DENND4C: variants seen among roughly 807,000 people sequenced by gnomAD.
DENND4C encodes the protein DENN domain containing 4C, also known as DENN domain-containing protein 4C.
Under a neutral mutation model 203.0 loss-of-function variants are expected in DENND4C, and 108 were observed. That is an observed-to-expected ratio of 0.53 (90% CI 0.46 to 0.62). DENND4C has a LOEUF of 0.62. DENND4C is among the 20% of genes least tolerant of loss of function. DENND4C has a pLI of 0.00. For missense variants in DENND4C, 2,481 were observed against 2,301.2 expected (o/e 1.08, Z -1.60); for synonymous variants, 871 against 792.4 (o/e 1.10, Z -1.67).
chr9:19,283,309 C>T (rs1488057566), intron 2 of DENND4C, among the ~76,000 whole-genome samples: 1 of 152,134 alleles, frequency 6.6e-6, no homozygotes, highest in East Asian at 1.9e-4. Flanking sequence ...AGGGCAGTAA[C>T]CCACATAGAG....
At chr9:19,293,782 A>G (rs896901026) in intron 5 of DENND4C, among the ~76,000 whole-genome samples, 4 of 152,206 alleles carry the variant, frequency 2.6e-5, no homozygotes, top group Admixed American at 1.3e-4. Context: ...ACTTACACGG[A>G]CTGTGGCATT....
At chr9:19,336,501 TTAAATTCCGGTAG>T in intron 19 of DENND4C, 87 bp downstream of exon 19, 3 of 1,482,522 alleles carry the variant, frequency 2.0e-6, no homozygotes, top group Non-Finnish European at 2.7e-6. Context: ...AGTAGAAAAC[TTAAATTCCGGTAG>T]ACATTTTCAC....
At chr9:19,269,553 G>GT (rs1831203843) in intron 1 of DENND4C, among the ~76,000 whole-genome samples, 1 of 152,104 alleles carries the variant, frequency 6.6e-6, no homozygotes, top group Non-Finnish European at 1.5e-5. Context: ...ATTCATTCTT[G>GT]TTTATCAGTT....
chr9:19,303,872 A>C (rs1228095289), intron 9 of DENND4C, among the ~76,000 whole-genome samples: 1 of 151,674 alleles, frequency 6.6e-6, no homozygotes, highest in Non-Finnish European at 1.5e-5. Flanking sequence ...TGTAAAATTT[A>C]TTCATTTATT....
At position 19,230,705 on chromosome 9, in the gene DENND4C, G is replaced by C. The variant is rs1015394704; in HGVS notation, c.-146G>C. On this transcript the variant is annotated 5_prime_UTR_variant, in exon 1 of 33. Coordinates refer to ENST00000434457, the MANE Select transcript of DENND4C (RefSeq NM_001330640.2). Reference sequence around the variant, plus strand: ...GCGGCGCAGGCGCAGACCGGACTGAGGCGGCGGCGGCCGCTGGAGCTAGTC... The same window carrying C: ...GCGGCGCAGGCGCAGACCGGACTGACGCGGCGGCGGCCGCTGGAGCTAGTC... The C allele has an allele frequency of 1.3e-5, 2 of 152,176 alleles. No individual in the cohort carries two copies. Among genetic ancestry groups the C allele is most frequent in the African/African-American group, 4.8e-5 (2 of 41,430 alleles). The allele number at this position is 152,176 out of a possible 1,614,324, so 9.4% of individuals were successfully genotyped here.
chr9:19,370,110 G>T (rs10114375), intron 31 of DENND4C, 123 bp downstream of exon 31: 127,448 of 1,166,810 alleles, frequency 0.11, 8,490 homozygotes, highest in African/African-American at 0.24. Context: ...AACATCTATT[G>T]TTTTAAGTGC....
At chr9:19,369,379 T>G (rs1444666869) in intron 30 of DENND4C, among the ~76,000 whole-genome samples, 1 of 152,068 alleles carries the variant, frequency 6.6e-6, no homozygotes, top group Non-Finnish European at 1.5e-5. Flanking sequence ...GGAAAAATAT[T>G]TTTTAGTTGG....
chr9:19,335,259 A>G (rs988159022), intron 18 of DENND4C, among the ~76,000 whole-genome samples, 154 bp downstream of exon 18: 4 of 152,256 alleles, frequency 2.6e-5, no homozygotes, highest in Admixed American at 6.5e-5. Flanking sequence ...AAAAGTATAT[A>G]TATTTATCAT....
intron 1 of DENND4C, among the ~76,000 whole-genome samples, chr9:19,232,788 G>A (rs943278945): frequency 7.9e-5 from 12 of 152,106 alleles, no homozygotes; most frequent in Non-Finnish European, 1.6e-4. Context: ...TTTCTATAAA[G>A]AAACATATTA....
intron 1 of DENND4C, among the ~76,000 whole-genome samples, chr9:19,274,720 T>A (rs1012876183): frequency 6.6e-6 from 1 of 152,362 alleles, no homozygotes; most frequent in South Asian, 2.1e-4. Context: ...ACATGGTATT[T>A]ATGGAAAGTT....
At chr9:19,337,612 T>G (rs1345360282) in intron 20 of DENND4C, 1 of 1,282,788 alleles carries the variant, frequency 7.8e-7, no homozygotes, top group South Asian at 1.3e-5. Flanking sequence ...CAGACTTATA[T>G]GACGTGAAGC....
intron 1 of DENND4C, among the ~76,000 whole-genome samples, chr9:19,272,139 C>T (rs993824629): frequency 1.3e-5 from 2 of 151,196 alleles, no homozygotes; most frequent in African/African-American, 4.9e-5. Flanking sequence ...GAGAGACTGG[C>T]CCAGGCATGG....
intron 22 of DENND4C, 129 bp from the exon 23 acceptor site, chr9:19,345,792 G>T (rs1822759067): frequency 1.2e-6 from 1 of 850,108 alleles, no homozygotes; most frequent in Non-Finnish European, 1.7e-6. Flanking sequence ...CTTTCTTTAT[G>T]GCCTCTAAAT....
rs1265210917 is a variant in DENND4C at position 19,332,308 on chromosome 9, A to G, written c.2460+124A>G. 5 of 715,208 alleles carry G rather than the reference A, an allele frequency of 7.0e-6. No homozygotes were observed. The African/African-American group carries it at 9.0e-5, about 13-fold the overall frequency. The allele number at this position is 715,208 out of a possible 1,614,324, so 44.3% of individuals were successfully genotyped here. A position where few individuals can be genotyped will look rare whatever the true frequency, so the allele number is the denominator to read the frequency against. On this transcript the variant is annotated intron_variant, in intron 17 of 32. Transcript: ENST00000434457. ...TTCATTAAGCAGGAAAGGTAAAACT[A>G]TTACTGTTTCATGGAGCTGGTGCAT...
At chr9:19,259,753 C>T (rs1426212976) in intron 1 of DENND4C, among the ~76,000 whole-genome samples, 2 of 152,158 alleles carry the variant, frequency 1.3e-5, no homozygotes, top group East Asian at 1.9e-4. Flanking sequence ...GATCCGCCCG[C>T]CTCGGCCTCC....
Position 19,332,046 on chromosome 9 carries a change from G to A in DENND4C, c.2322G>A (p.Leu774=), listed in dbSNP as rs769620388. 3 of 1,614,026 alleles carry A rather than the reference G, an allele frequency of 1.9e-6. No homozygotes were observed. The highest frequency in any genetic ancestry group is 1.3e-5 in the African/African-American group (1 of 75,030). The change falls in exon 17 of 33, where the codon CTG becomes CTA. Residue 774 remains leucine, a synonymous_variant. Coordinates refer to ENST00000434457, the MANE Select transcript of DENND4C (RefSeq NM_001330640.2). ...ATCCACCACAGTGGGCCAAGTGTCT[G>A]TTTAGTCATTGTTACAGTTTATGGT... ...YTNPPQWAKC[L]FSHCYSLWFI... is the part of the protein sequence containing the mutation.
intron 10 of DENND4C, among the ~76,000 whole-genome samples, chr9:19,315,622 T>C (rs1396114765): frequency 1.3e-5 from 2 of 151,402 alleles, no homozygotes. Flanking sequence ...CACACACATA[T>C]ATTTTATATT....
Position 19,342,680 on chromosome 9 carries a change from C to A in DENND4C, c.3052C>A (p.Pro1018Thr). The A allele has an allele frequency of 6.2e-7, 1 of 1,613,070 alleles. No homozygotes were observed. Among genetic ancestry groups the A allele is most frequent in the Non-Finnish European group, 8.5e-7 (1 of 1,179,544 alleles). ...TGTGGCAAAACATTCACAACCTAGT[C>A]CAGAGCCTCACAGTCCTACTGAACC... ...AIVAKHSQPS[P>T]EPHSPTEPPA... Residue 1018 changes from proline (P) to threonine (T), a missense_variant, in exon 22 of 33, where the codon CCA becomes ACA. By Grantham distance (38) the Pro-to-Thr change is conservative (BLOSUM62 -1). This residue lies in a region of DENND4C where 2,289 missense variants were observed against 2,113.3 expected (regional missense o/e 1.08). Coordinates refer to ENST00000434457, the MANE Select transcript of DENND4C (RefSeq NM_001330640.2).
intron 30 of DENND4C, among the ~76,000 whole-genome samples, chr9:19,367,720 A>C (rs1434549101): frequency 6.6e-6 from 1 of 152,270 alleles, no homozygotes; most frequent in Non-Finnish European, 1.5e-5. Context: ...AGCCTGGGCA[A>C]CAGAGCGAGA....
Sources: gnomAD v4.1 joint callset for allele counts (sites outside exome capture counted in the v4.1 genomes callset) on GRCh38, gnomAD v4.1.1 for gene constraint, gnomAD v4.1.1 regional missense constraint, MANE v1.5 for transcripts, NCBI Gene and HGNC (gene_info 2026-07-23, HGNC 2026-07-21) for gene names.